The following VAT1L variants were observed in gnomAD, a reference collection of about 807,000 sequenced individuals.
The protein encoded by VAT1L is vesicle amine transport 1 like.
A neutral mutation model predicts 44.1 loss-of-function variants in VAT1L; 34 were observed. That is an observed-to-expected ratio of 0.77 (90% CI 0.59 to 1.03). The LOEUF (loss-of-function observed/expected upper bound fraction) is 1.03, where lower values mean the gene tolerates loss of function less well. Among genes scored for constraint, VAT1L ranks in the 50% least tolerant of loss-of-function variants. The pLI is 0.00. For synonymous variants in VAT1L, 253 were observed against 202.2 expected (o/e 1.25, Z -2.13); for missense variants, 615 against 538.8 (o/e 1.14, Z -1.40).
chr16:77,841,435 C>A (rs189746050), intron 3 of VAT1L, among the ~76,000 whole-genome samples: 1 of 152,188 alleles, frequency 6.6e-6, no homozygotes, highest in Non-Finnish European at 1.5e-5. Flanking sequence ...ACTCTCTCAT[C>A]GGGCAGGAAT....
intron 4 of VAT1L, among the ~76,000 whole-genome samples, chr16:77,874,976 G>T (rs1387845234): frequency 6.6e-6 from 1 of 151,898 alleles, no homozygotes; most frequent in African/African-American, 2.4e-5. Context: ...CCCCACCACA[G>T]ACCTACAGGA....
At chr16:77,959,562 T>C (rs1347275696) in intron 7 of VAT1L, among the ~76,000 whole-genome samples, 2 of 152,200 alleles carry the variant, frequency 1.3e-5, no homozygotes, top group Non-Finnish European at 2.9e-5. Flanking sequence ...ATCCATGGAA[T>C]TACCCCCCTC....
At chr16:77,805,779 T>C (rs2145220757) in intron 1 of VAT1L, among the ~76,000 whole-genome samples, 1 of 152,004 alleles carries the variant, frequency 6.6e-6, no homozygotes, top group Non-Finnish European at 1.5e-5. Flanking sequence ...GTGTGATTTT[T>C]CATAGATTTT....
At chr16:77,901,410 C>T (rs1274725891) in intron 7 of VAT1L, among the ~76,000 whole-genome samples, 2 of 151,924 alleles carry the variant, frequency 1.3e-5, no homozygotes, top group Admixed American at 6.6e-5. Context: ...GTGATCCGCC[C>T]GCCTCCGCCT....
intron 7 of VAT1L, among the ~76,000 whole-genome samples, chr16:77,937,707 C>G (rs573545207): frequency 7.9e-5 from 12 of 152,316 alleles, no homozygotes; most frequent in Admixed American, 3.3e-4. Flanking sequence ...TGGAGTTTTG[C>G]CAGGGGGCCC....
intron 7 of VAT1L, among the ~76,000 whole-genome samples, chr16:77,941,501 C>T (rs1449276155): frequency 6.6e-6 from 1 of 152,168 alleles, no homozygotes; most frequent in African/African-American, 2.4e-5. Flanking sequence ...ATCTTCATGA[C>T]AGAATGATTT....
intron 7 of VAT1L, among the ~76,000 whole-genome samples, chr16:77,926,754 C>G (rs980980411): frequency 1.3e-4 from 20 of 152,198 alleles, no homozygotes; most frequent in Non-Finnish European, 2.9e-4. Context: ...TCACTGCCCC[C>G]TCTAGAACTC....
At chr16:77,909,263 T>A (rs780322157) in intron 7 of VAT1L, among the ~76,000 whole-genome samples, 3 of 152,228 alleles carry the variant, frequency 2.0e-5, no homozygotes, top group Non-Finnish European at 4.4e-5. Flanking sequence ...TAGGTGATGA[T>A]ATTCTGTCAT....
intron 3 of VAT1L, among the ~76,000 whole-genome samples, chr16:77,832,122 G>A (rs1007531254): frequency 3.3e-5 from 5 of 151,670 alleles, no homozygotes; most frequent in East Asian, 1.9e-4. Flanking sequence ...GCCACCGTGC[G>A]CAGCCCCAGT....
At chr16:77,917,372 A>G (rs2017562821) in intron 7 of VAT1L, among the ~76,000 whole-genome samples, 1 of 152,196 alleles carries the variant, frequency 6.6e-6, no homozygotes, top group African/African-American at 2.4e-5. Flanking sequence ...ACCTTTTATT[A>G]AAGTACTGCC....
rs536083836 is a variant in VAT1L at position 77,856,536 on chromosome 16, C to T, written c.580-6212C>T. On this transcript the variant is annotated intron_variant, in intron 3 of 8. Coordinates refer to ENST00000302536, the MANE Select transcript of VAT1L (RefSeq NM_020927.3). Reference sequence around the variant, plus strand: ...AAAGAGATGAATTCACTCCTCTAATCATTCGTTTACATGCTGGAATATGAT... The same window carrying T: ...AAAGAGATGAATTCACTCCTCTAATTATTCGTTTACATGCTGGAATATGAT... Among the ~76,000 whole-genome samples, 47 of 152,312 alleles carry T rather than the reference C, an allele frequency of 3.1e-4. No individual in the cohort carries two copies. In the South Asian group the frequency reaches 9.6e-3, roughly 31 times the overall value.
chr16:77,951,014 G>A (rs1342852928), intron 7 of VAT1L, among the ~76,000 whole-genome samples: 1 of 152,190 alleles, frequency 6.6e-6, no homozygotes, highest in East Asian at 1.9e-4. Context: ...CATTGTATAG[G>A]TTTTGGAGAA....
chr16:77,868,618 G>C (rs1237610197), intron 4 of VAT1L, among the ~76,000 whole-genome samples: 1 of 152,224 alleles, frequency 6.6e-6, no homozygotes, highest in Non-Finnish European at 1.5e-5. Flanking sequence ...TGTAGTGCCA[G>C]AGCTTGTGAT....
intron 7 of VAT1L, among the ~76,000 whole-genome samples, chr16:77,946,272 AC>A (rs1453031730): frequency 1.6e-5 from 1 of 62,264 alleles, no homozygotes; most frequent in Non-Finnish European, 3.2e-5. Flanking sequence ...CATCTAGGTT[AC>A]TTGTTCTTTT....
At chr16:77,961,529 G>A (rs2018160237) in intron 7 of VAT1L, among the ~76,000 whole-genome samples, 1 of 152,148 alleles carries the variant, frequency 6.6e-6, no homozygotes, top group Non-Finnish European at 1.5e-5. Context: ...TTCTTATCGA[G>A]GACTGGATCA....
At chr16:77,838,645 C>A (rs1317336909) in intron 3 of VAT1L, among the ~76,000 whole-genome samples, 1 of 151,784 alleles carries the variant, frequency 6.6e-6, no homozygotes, top group Admixed American at 6.6e-5. Context: ...GTCTCCTTCC[C>A]TTTCCCTCCT....
chr16:77,834,394 C>G (rs116577601), intron 3 of VAT1L, among the ~76,000 whole-genome samples: 2,964 of 152,302 alleles, frequency 0.019, 104 homozygotes, highest in African/African-American at 0.067. Context: ...TCCCTGCCCC[C>G]TGCCCTAGTA....
At chr16:77,947,560 C>G (rs2017984329) in intron 7 of VAT1L, among the ~76,000 whole-genome samples, 1 of 152,164 alleles carries the variant, frequency 6.6e-6, no homozygotes, top group South Asian at 2.1e-4. Flanking sequence ...CTAGCTGTGT[C>G]CAAGTGAAGA....
chr16:77,964,986 C>T (rs2018207695), intron 7 of VAT1L, among the ~76,000 whole-genome samples: 1 of 151,936 alleles, frequency 6.6e-6, no homozygotes, highest in South Asian at 2.1e-4. Context: ...GACAGGGTTT[C>T]TCCATGTTGG....
Sources: allele counts gnomAD v4.1 joint callset (sites outside exome capture counted in the v4.1 genomes callset), GRCh38; gene constraint gnomAD v4.1.1; transcripts MANE v1.5; gene names NCBI Gene and HGNC (gene_info 2026-07-23, HGNC 2026-07-21).